Variants in LPAR1 observed in about 807,000 individuals in gnomAD.
LPAR1 encodes the protein LPA receptor 1.
LPAR1 carries 5 observed loss-of-function variants against 23.8 expected under a neutral mutation model. The ratio of observed to expected loss-of-function variants is 0.21; its 90% CI spans 0.11 to 0.44. The LOEUF is 0.44. Among genes scored for constraint, LPAR1 ranks in the 20% least tolerant of loss-of-function variants. The probability of loss-of-function intolerance (pLI) is 0.99; values close to 1 mark genes in which losing one functional copy is unlikely to be tolerated. For missense variants in LPAR1, 311 were observed against 482.8 expected, an observed-to-expected ratio of 0.64 and a Z score of 3.33; for synonymous variants, 160 against 164.7, an observed-to-expected ratio of 0.97 and a Z score of 0.22.
chr9:110,900,609 T>C (rs950486536), intron 5 of LPAR1, among the ~76,000 whole-genome samples: 3 of 152,206 alleles, frequency 2.0e-5, no homozygotes, highest in Non-Finnish European at 4.4e-5. Context: ...TTTTCTACTT[T>C]TAATGTTACA....
chr9:110,891,621 A>C (rs564126361), intron 5 of LPAR1, among the ~76,000 whole-genome samples: 1 of 152,228 alleles, frequency 6.6e-6, no homozygotes. Context: ...ATGCTCAATA[A>C]ATAGTCTTGG....
At chr9:110,944,783 A>G (rs1445890274) in intron 4 of LPAR1, among the ~76,000 whole-genome samples, 1 of 152,204 alleles carries the variant, frequency 6.6e-6, no homozygotes, top group East Asian at 1.9e-4. Context: ...TCTCTCAACA[A>G]TTGACTGTAA....
At chr9:110,972,807 C>T (rs779051506) in intron 3 of LPAR1, among the ~76,000 whole-genome samples, 8 of 151,910 alleles carry the variant, frequency 5.3e-5, no homozygotes, top group African/African-American at 1.7e-4. Flanking sequence ...ATTAGCCAGG[C>T]GTGGTAGAAC....
intron 2 of LPAR1, chr9:110,999,450 A>G (rs932830149): frequency 4.4e-6 from 2 of 455,702 alleles, no homozygotes; most frequent in Non-Finnish European, 8.8e-6. Flanking sequence ...TCCCCACACC[A>G]TGCAGCCCTG....
At chr9:110,896,191 G>T (rs952634527) in intron 5 of LPAR1, among the ~76,000 whole-genome samples, 1 of 152,114 alleles carries the variant, frequency 6.6e-6, no homozygotes, top group Non-Finnish European at 1.5e-5. Flanking sequence ...TTGTTACCAC[G>T]ACAGATTTTT....
intron 5 of LPAR1, among the ~76,000 whole-genome samples, chr9:110,902,011 A>C (rs1564413700): frequency 6.6e-6 from 1 of 152,152 alleles, no homozygotes; most frequent in Non-Finnish European, 1.5e-5. Context: ...ACCCTAGAAA[A>C]AAAACACAAA....
intron 2 of LPAR1, among the ~76,000 whole-genome samples, chr9:111,026,810 T>A (rs1014044595): frequency 6.6e-6 from 1 of 152,226 alleles, no homozygotes. Context: ...ATTGGTTCTG[T>A]TTATGCGATG....
intron 4 of LPAR1, among the ~76,000 whole-genome samples, chr9:110,955,761 T>A (rs1308540689): frequency 6.9e-6 from 1 of 145,884 alleles, no homozygotes; most frequent in Admixed American, 6.8e-5. Context: ...CTTTGGAAAC[T>A]ATACAAATAC....
At chr9:110,954,705 C>A (rs906262694) in intron 4 of LPAR1, among the ~76,000 whole-genome samples, 3 of 151,854 alleles carry the variant, frequency 2.0e-5, no homozygotes, top group Non-Finnish European at 2.9e-5. Context: ...AGGAAAAAAA[C>A]AAACAAACAA....
intron 2 of LPAR1, among the ~76,000 whole-genome samples, chr9:110,995,470 G>A (rs903807393): frequency 1.3e-5 from 2 of 152,056 alleles, no homozygotes; most frequent in Admixed American, 1.3e-4. Flanking sequence ...TTCCTTTCCT[G>A]CTCCCAGCAT....
chr9:110,940,855 C>A (rs2095053962), intron 5 of LPAR1, among the ~76,000 whole-genome samples: 1 of 152,122 alleles, frequency 6.6e-6, no homozygotes, highest in Non-Finnish European at 1.5e-5. Flanking sequence ...TCCACTACTA[C>A]AAATAGAAAA....
intron 2 of LPAR1, among the ~76,000 whole-genome samples, chr9:110,982,505 T>C (rs1017208427): frequency 6.6e-6 from 1 of 151,920 alleles, no homozygotes; most frequent in African/African-American, 2.4e-5. Flanking sequence ...AGGGATAGCA[T>C]TAGGAGAAAT....
chr9:110,967,217 G>A lies in LPAR1; in HGVS notation c.45+4856C>T, dbSNP rs76067648. 6.4e-3 allele frequency among the ~76,000 whole-genome samples: 967 copies of A among 152,246 alleles called. 18 individuals carry two copies. The highest frequency in any genetic ancestry group is 0.022 in the African/African-American group (924 of 41,542). On this transcript the variant is annotated intron_variant, in intron 4 of 5. Coordinates refer to ENST00000683809, the MANE Select transcript of LPAR1 (RefSeq NM_001351411.2). ...TAGTATTCATCACCTAGCTTTGTAAGAGCTAGGTGCTCTCTCAGCATGAGA... is the reference window on the plus strand; with the variant it reads ...TAGTATTCATCACCTAGCTTTGTAAAAGCTAGGTGCTCTCTCAGCATGAGA...
chr9:110,981,356 T>C (rs2096662501), intron 2 of LPAR1, among the ~76,000 whole-genome samples: 1 of 152,080 alleles, frequency 6.6e-6, no homozygotes, highest in African/African-American at 2.4e-5. Flanking sequence ...TCATGTCTCC[T>C]TGCCTCAGAT....
chr9:110,942,122 G>C lies in LPAR1; in HGVS notation c.92C>G (p.Ala31Gly), dbSNP rs921837669. 1 of 1,614,010 alleles carries C rather than the reference G, an allele frequency of 6.2e-7. No homozygotes were observed. Among genetic ancestry groups the C allele is most frequent in the Non-Finnish European group, 8.5e-7 (1 of 1,179,926 alleles). The change falls in exon 5 of 6, where the codon GCC (alanine) becomes GGC (glycine). Residue 31 changes from alanine (A) to glycine (G), a missense_variant. Around this residue, in one of 2 missense-constraint regions of LPAR1, gnomAD observed 61 missense variants for 55.6 expected, o/e 1.10. Coordinates refer to ENST00000683809, the MANE Select transcript of LPAR1 (RefSeq NM_001351411.2). ...CTTTCCACTTCGGTTATAAAAGAAG[G>C]CAATGGACTCGTTGTAGAAGCACTG... ...EPQCFYNESI[A>G]FFYNRSGKHL...
At chr9:110,893,407 C>CTA (rs1487822527) in intron 5 of LPAR1, among the ~76,000 whole-genome samples, 1 of 152,168 alleles carries the variant, frequency 6.6e-6, no homozygotes, top group East Asian at 1.9e-4. Context: ...TGGCACTGCT[C>CTA]TATCATATTT....
In LPAR1 at chr9:110,967,506, T is replaced by C. The variant is rs181876227; in HGVS notation, c.45+4567A>G. Among the ~76,000 whole-genome samples, 1,287 of 152,238 alleles carry C rather than the reference T, an allele frequency of 8.5e-3. 11 individuals are homozygous for C. The highest frequency in any genetic ancestry group is 0.029 in the African/African-American group (1,187 of 41,548). ...ATAGAGTAACAAACAAAACCAAAAGTTTTTCTAAAAAATTGTTGTTTTGGC... is the reference window on the plus strand; with the variant it reads ...ATAGAGTAACAAACAAAACCAAAAGCTTTTCTAAAAAATTGTTGTTTTGGC... On this transcript the variant is annotated intron_variant, in intron 4 of 5. Coordinates refer to ENST00000683809, the MANE Select transcript of LPAR1 (RefSeq NM_001351411.2).
intron 5 of LPAR1, among the ~76,000 whole-genome samples, chr9:110,912,554 G>A (rs1009712029): frequency 5.3e-5 from 8 of 152,084 alleles, no homozygotes; most frequent in Non-Finnish European, 1.0e-4. Flanking sequence ...AATAAAACCC[G>A]TTTTCAGACA....
At chr9:110,877,450 A>C (rs996701153) in intron 5 of LPAR1, among the ~76,000 whole-genome samples, 1 of 152,240 alleles carries the variant, frequency 6.6e-6, no homozygotes, top group Non-Finnish European at 1.5e-5. Context: ...TTCAATAAAA[A>C]TGTTAATAAA....
Sources: allele counts gnomAD v4.1 joint callset (sites outside exome capture counted in the v4.1 genomes callset), GRCh38; gene constraint gnomAD v4.1.1; regional missense constraint gnomAD v4.1.1; transcripts MANE v1.5; gene names NCBI Gene and HGNC (gene_info 2026-07-23, HGNC 2026-07-21).